The following DISP1 variants were observed in gnomAD, a reference collection of about 807,000 sequenced individuals.
DISP1 encodes the protein dispatched RND transporter family member 1.
A neutral mutation model predicts 37.3 loss-of-function variants in DISP1; 30 were observed. The ratio of observed to expected loss-of-function variants is 0.80; its 90% CI spans 0.60 to 1.09. DISP1 has a LOEUF of 1.09. Among genes scored for constraint, DISP1 ranks in the 50% least tolerant of loss-of-function variants. DISP1 has a pLI of 0.00. For missense variants in DISP1, 1,598 were observed against 1,879.5 expected, an observed-to-expected ratio of 0.85 and a Z score of 2.77; for synonymous variants, 634 against 690.2, an observed-to-expected ratio of 0.92 and a Z score of 1.28.
At chr1:222,998,304 G>A (rs1679212193) in intron 8 of DISP1, among the ~76,000 whole-genome samples, 1 of 150,852 alleles carries the variant, frequency 6.6e-6, no homozygotes, top group Non-Finnish European at 1.5e-5. Flanking sequence ...AGTTAAATGG[G>A]GCGCAACCAA....
intron 1 of DISP1, among the ~76,000 whole-genome samples, chr1:222,835,619 A>G (rs552294956): frequency 6.6e-6 from 1 of 152,322 alleles, no homozygotes; most frequent in African/African-American, 2.4e-5. Flanking sequence ...GTGCTATGGC[A>G]AATTTTTATA....
At chr1:222,829,949 C>T (rs181087775) in intron 1 of DISP1, among the ~76,000 whole-genome samples, 45 of 151,798 alleles carry the variant, frequency 3.0e-4, no homozygotes, top group Non-Finnish European at 4.7e-4. Context: ...TTTTTTTTAG[C>T]AGATGGTATT....
intron 1 of DISP1, among the ~76,000 whole-genome samples, chr1:222,917,443 C>T (rs1349624689): frequency 6.6e-6 from 1 of 152,064 alleles, no homozygotes; most frequent in African/African-American, 2.4e-5. Context: ...ACCAGACGAA[C>T]AAGAAACCCC....
intron 1 of DISP1, among the ~76,000 whole-genome samples, chr1:222,874,510 C>A (rs1423200396): frequency 6.6e-6 from 1 of 152,142 alleles, no homozygotes; most frequent in African/African-American, 2.4e-5. Flanking sequence ...TCATTCATTT[C>A]GTCTTCCATC....
At chr1:222,839,629 A>G (rs1667465762) in intron 1 of DISP1, among the ~76,000 whole-genome samples, 1 of 152,120 alleles carries the variant, frequency 6.6e-6, no homozygotes, top group Non-Finnish European at 1.5e-5. Flanking sequence ...AGTTGAGAAT[A>G]TCATAAGTCA....
intron 1 of DISP1, among the ~76,000 whole-genome samples, chr1:222,853,711 G>T (rs1668396250): frequency 6.6e-6 from 1 of 151,876 alleles, no homozygotes; most frequent in Non-Finnish European, 1.5e-5. Flanking sequence ...GAAGTAAAAA[G>T]TAGAACAGAG....
At chr1:222,878,027 G>A (rs376656673) in intron 1 of DISP1, among the ~76,000 whole-genome samples, 1 of 152,184 alleles carries the variant, frequency 6.6e-6, no homozygotes, top group East Asian at 1.9e-4. Flanking sequence ...ACAGAATTCT[G>A]TAGTCCCCAT....
intron 3 of DISP1, among the ~76,000 whole-genome samples, chr1:222,962,252 A>C (rs1676120733): frequency 6.6e-6 from 1 of 152,150 alleles, no homozygotes. Context: ...CTTGAAGGAG[A>C]ACTACAAACC....
intron 4 of DISP1, among the ~76,000 whole-genome samples, chr1:222,983,696 T>C (rs1678010948): frequency 6.6e-6 from 1 of 152,186 alleles, no homozygotes; most frequent in African/African-American, 2.4e-5. Context: ...TTGGCTTACT[T>C]AGTGAGGAAA....
chr1:222,904,745 T>C (rs1462071757), intron 1 of DISP1, among the ~76,000 whole-genome samples: 1 of 152,072 alleles, frequency 6.6e-6, no homozygotes, highest in Admixed American at 6.5e-5. Flanking sequence ...TTTTTGTGTT[T>C]TTAGTAGAGA....
chr1:222,840,071 CT>C (rs1667496482), intron 1 of DISP1, among the ~76,000 whole-genome samples: 1 of 152,112 alleles, frequency 6.6e-6, no homozygotes, highest in African/African-American at 2.4e-5. Flanking sequence ...GAGTTGAATA[CT>C]TTATGTAATT....
chr1:222,930,567 T>A (rs1403058373), intron 2 of DISP1, among the ~76,000 whole-genome samples: 1 of 152,074 alleles, frequency 6.6e-6, no homozygotes, highest in African/African-American at 2.4e-5. Flanking sequence ...CCAAGAAAAC[T>A]GTATAAGGAA....
intron 4 of DISP1, chr1:222,989,380 G>T: frequency 2.0e-6 from 2 of 985,420 alleles, no homozygotes; most frequent in Non-Finnish European, 2.4e-6. Context: ...AAGTTTGCAG[G>T]ATGCATTTTG....
At chr1:222,855,514 T>A (rs576985578) in intron 1 of DISP1, among the ~76,000 whole-genome samples, 1 of 152,296 alleles carries the variant, frequency 6.6e-6, no homozygotes, top group East Asian at 1.9e-4. Flanking sequence ...CTTTGCAGGG[T>A]TAGCACATGG....
intron 1 of DISP1, among the ~76,000 whole-genome samples, chr1:222,822,275 CAG>C (rs1348080789): frequency 3.3e-5 from 5 of 152,170 alleles, no homozygotes; most frequent in South Asian, 2.1e-4. Context: ...GCATTTGACT[CAG>C]AGTGACATGG....
intron 1 of DISP1, among the ~76,000 whole-genome samples, chr1:222,922,403 G>A (rs1672849541): frequency 6.6e-6 from 1 of 152,142 alleles, no homozygotes; most frequent in South Asian, 2.1e-4. Context: ...TAAGAAAGTA[G>A]CAGAGGAAAT....
At chr1:222,962,428 AC>A (rs771904462) in intron 3 of DISP1, among the ~76,000 whole-genome samples, 3 of 152,240 alleles carry the variant, frequency 2.0e-5, no homozygotes, top group Non-Finnish European at 4.4e-5. Flanking sequence ...AGAAAAGACT[AC>A]TTTAAATTTC....
intron 1 of DISP1, among the ~76,000 whole-genome samples, chr1:222,906,979 C>T (rs545446087): frequency 2.8e-4 from 43 of 152,238 alleles, no homozygotes; most frequent in Non-Finnish European, 4.7e-4. Flanking sequence ...AAGATTTTGA[C>T]CTTGGTCTTT....
intron 2 of DISP1, among the ~76,000 whole-genome samples, chr1:222,942,258 T>A (rs185971728): frequency 6.6e-6 from 1 of 152,312 alleles, no homozygotes; most frequent in East Asian, 1.9e-4. Context: ...TGGTTTTAAT[T>A]TATTATTCTC....
Sources: allele counts gnomAD v4.1 joint callset (sites outside exome capture counted in the v4.1 genomes callset), GRCh38; gene constraint gnomAD v4.1.1; transcripts MANE v1.5; gene names NCBI Gene and HGNC (gene_info 2026-07-23, HGNC 2026-07-21).